ARPP21: variants seen among roughly 807,000 people sequenced by gnomAD.
ARPP21 encodes the protein cAMP regulated phosphoprotein 21.
Under a neutral mutation model 113.2 loss-of-function variants are expected in ARPP21, and 69 were observed. That is an observed-to-expected ratio of 0.61 (90% CI 0.50 to 0.74). ARPP21 has a LOEUF of 0.74. Ranked by LOEUF, ARPP21 falls within the 30% of genes least tolerant of loss-of-function variation. The probability of loss-of-function intolerance (pLI) is 0.00; values close to 1 mark genes in which losing one functional copy is unlikely to be tolerated. For missense variants in ARPP21, 1,070 were observed against 1,037.4 expected, an observed-to-expected ratio of 1.03 and a Z score of -0.43; for synonymous variants, 368 against 375.5, an observed-to-expected ratio of 0.98 and a Z score of 0.23.
Position 35,729,513 on chromosome 3 carries a change from G to T in ARPP21, c.1436G>T (p.Ser479Ile). The T allele has an allele frequency of 2.5e-6, 4 of 1,614,204 alleles. No homozygotes were observed. The highest frequency in any genetic ancestry group is 3.4e-6 in the Non-Finnish European group (4 of 1,180,022). The part of the protein sequence containing the change: ...LEAATGIPPG[S>I]ILLNPHTGQP... Reference sequence around the variant, plus strand: ...GCTGCAACAGGCATCCCGCCTGGAAGCATCCTTCTTAATCCACACACAGGT... The same window carrying T: ...GCTGCAACAGGCATCCCGCCTGGAATCATCCTTCTTAATCCACACACAGGT... The change falls in exon 15 of 21, where the codon AGC becomes ATC. Residue 479 changes from serine (S) to isoleucine (I), a missense_variant. Coordinates refer to ENST00000684406, the MANE Select transcript of ARPP21 (RefSeq NM_001385562.1).
intron 19 of ARPP21, among the ~76,000 whole-genome samples, chr3:35,762,280 G>A (rs1343209737): frequency 6.6e-6 from 1 of 151,904 alleles, no homozygotes; most frequent in African/African-American, 2.4e-5. Context: ...ATTCTCCTTT[G>A]TGCTAGTAAA....
chr3:35,681,922 T>A, intron 3 of ARPP21, 42 bp downstream of exon 3: 2 of 1,578,598 alleles, frequency 1.3e-6, no homozygotes, highest in Non-Finnish European at 1.7e-6. Flanking sequence ...TACAACTGTG[T>A]GCAGCTCCCT....
chr3:35,712,376 TA>T (rs10708048), intron 11 of ARPP21, among the ~76,000 whole-genome samples: 13,661 of 152,244 alleles, frequency 0.09, 701 homozygotes, highest in Non-Finnish European at 0.12. Flanking sequence ...TGCTTAAGTG[TA>T]TTTTTTTGCT....
In ARPP21 at chr3:35,754,181, G is replaced by A. The variant is rs142087274; in HGVS notation, c.2137+10216G>A. On this transcript the variant is annotated intron_variant, in intron 19 of 20. Transcript: ENST00000684406. ...ATACCTTAATTTGCCTTCTCTAAGAGTTGATGATTCTTTAAAAAGATGTAT... is the reference window on the plus strand; with the variant it reads ...ATACCTTAATTTGCCTTCTCTAAGAATTGATGATTCTTTAAAAAGATGTAT... 3.0e-4 allele frequency among the ~76,000 whole-genome samples: 45 copies of A among 151,822 alleles called. 1 individual carries two copies. The East Asian group carries it at 8.7e-3, about 29-fold the overall frequency.
chr3:35,769,756 T>G (rs955776685), intron 19 of ARPP21, among the ~76,000 whole-genome samples: 1 of 152,180 alleles, frequency 6.6e-6, no homozygotes, highest in African/African-American at 2.4e-5. Context: ...GCAGACTTTC[T>G]TTGTTCCCTG....
At chr3:35,650,850 T>C (rs1170957329) in intron 1 of ARPP21, among the ~76,000 whole-genome samples, 2 of 152,116 alleles carry the variant, frequency 1.3e-5, no homozygotes, top group Admixed American at 1.3e-4. Flanking sequence ...TGAAATTACA[T>C]TGGGATTGTG....
intron 1 of ARPP21, among the ~76,000 whole-genome samples, chr3:35,648,181 A>G (rs1700983925): frequency 6.6e-6 from 1 of 152,172 alleles, no homozygotes; most frequent in South Asian, 2.1e-4. Context: ...TTCATTGCAT[A>G]AGGAACATGA....
At chr3:35,691,382 T>C (rs1387187190) in intron 9 of ARPP21, among the ~76,000 whole-genome samples, 2 of 151,796 alleles carry the variant, frequency 1.3e-5, no homozygotes, top group East Asian at 2.0e-4. Flanking sequence ...TGTTATTTTC[T>C]TTCTTCTTTC....
chr3:35,727,147 C>T (rs1177888729), intron 14 of ARPP21, among the ~76,000 whole-genome samples: 1 of 152,186 alleles, frequency 6.6e-6, no homozygotes, highest in Non-Finnish European at 1.5e-5. Flanking sequence ...TGACATAAAA[C>T]TATCACTATT....
At chr3:35,710,342 G>A (rs1002950105) in intron 11 of ARPP21, among the ~76,000 whole-genome samples, 17 of 152,050 alleles carry the variant, frequency 1.1e-4, no homozygotes, top group Admixed American at 6.6e-4. Context: ...GACATATGGT[G>A]GGCCTTTAAT....
At chr3:35,671,866 T>C (rs1426998070) in intron 1 of ARPP21, among the ~76,000 whole-genome samples, 1 of 152,002 alleles carries the variant, frequency 6.6e-6, no homozygotes, top group African/African-American at 2.4e-5. Flanking sequence ...TGATAAATCA[T>C]GCAATTAATG....
intron 1 of ARPP21, among the ~76,000 whole-genome samples, chr3:35,667,945 AGAAAAGAAGAAGAAG>A: frequency 7.5e-6 from 1 of 132,582 alleles, no homozygotes; most frequent in East Asian, 2.2e-4. Flanking sequence ...AAGGAGAAGA[AGAAAAGAAGAAGAAG>A]AAGAAGAAGA....
intron 1 of ARPP21, among the ~76,000 whole-genome samples, chr3:35,656,522 G>C (rs1039290560): frequency 6.6e-6 from 1 of 151,996 alleles, no homozygotes; most frequent in African/African-American, 2.4e-5. Flanking sequence ...AGTTTGGATG[G>C]GTCTCAAGGG....
chr3:35,653,581 C>A (rs1023702296), intron 1 of ARPP21, among the ~76,000 whole-genome samples: 1 of 152,040 alleles, frequency 6.6e-6, no homozygotes, highest in African/African-American at 2.4e-5. Flanking sequence ...TTGGGACACA[C>A]TCTCCCCCGG....
intron 1 of ARPP21, among the ~76,000 whole-genome samples, chr3:35,653,533 T>C (rs765511670): frequency 2.0e-5 from 3 of 152,032 alleles, no homozygotes; most frequent in Non-Finnish European, 2.9e-5. Flanking sequence ...ATGGCACGAA[T>C]GATGCCACGG....
At chr3:35,758,237 A>G (rs1267591254) in intron 19 of ARPP21, among the ~76,000 whole-genome samples, 1 of 151,988 alleles carries the variant, frequency 6.6e-6, no homozygotes, top group African/African-American at 2.4e-5. Context: ...TTCTCCATGC[A>G]GTCCTTGCTT....
In ARPP21 at chr3:35,682,776, C is replaced by T; in HGVS notation, c.130-72C>T. On this transcript the variant is annotated intron_variant, in intron 3 of 20. Transcript: ENST00000684406. ...TTTCTCTCTTTCTTTCTCTCTCTCTCTCGGTTGTTGATTTACTGTTCGTTT... is the reference window on the plus strand; with the variant it reads ...TTTCTCTCTTTCTTTCTCTCTCTCTTTCGGTTGTTGATTTACTGTTCGTTT... 4 of 1,374,040 alleles carry T rather than the reference C, an allele frequency of 2.9e-6. No homozygotes were observed. The South Asian group carries it at 3.9e-5, about 13-fold the overall frequency. 85.1% of individuals were successfully genotyped at this position (1,374,040 alleles called of 1,614,324 possible).
At chr3:35,752,959 T>A (rs2095449703) in intron 19 of ARPP21, among the ~76,000 whole-genome samples, 1 of 151,962 alleles carries the variant, frequency 6.6e-6, no homozygotes, top group South Asian at 2.1e-4. Context: ...AGCATATGAA[T>A]ATAATGTGAT....
At position 35,709,015 on chromosome 3, in the gene ARPP21, T is replaced by C. The variant is rs1260146246; in HGVS notation, c.842T>C (p.Ile281Thr). 20 of 1,613,910 alleles carry C rather than the reference T, an allele frequency of 1.2e-5. No individual in the cohort carries two copies. Among genetic ancestry groups the C allele is most frequent in the Non-Finnish European group, 1.6e-5 (19 of 1,179,856 alleles). Reference protein sequence around the residue: ...PFRDDRRSKSIEEREEEYQRV... With the variant: ...PFRDDRRSKSTEEREEEYQRV... ...AGAGATGACAGACGAAGTAAATCAA[T>C]TGAAGAGAGAGAAGAGGAATATCAG... Residue 281 changes from isoleucine to threonine, a missense_variant, in exon 11 of 21, where the codon ATT (isoleucine) becomes ACT (threonine). Transcript: ENST00000684406.
Sources: allele counts gnomAD v4.1 joint callset (sites outside exome capture counted in the v4.1 genomes callset), GRCh38; gene constraint gnomAD v4.1.1; transcripts MANE v1.5; gene names NCBI Gene and HGNC (gene_info 2026-07-23, HGNC 2026-07-21).